The following UBXN11 variants were observed in gnomAD, a reference collection of about 807,000 sequenced individuals.
UBXN11 encodes UBX domain protein 11.
Under a neutral mutation model 62.8 loss-of-function variants are expected in UBXN11, and 47 were observed. That is an observed-to-expected ratio of 0.75 (90% confidence interval 0.59 to 0.95). The LOEUF (loss-of-function observed/expected upper bound fraction) is 0.95, where lower values mean the gene tolerates loss of function less well. Among genes scored for constraint, UBXN11 ranks in the 40% least tolerant of loss-of-function variants. UBXN11 has a pLI of 0.00. For missense variants in UBXN11, 638 were observed against 661.7 expected, an observed-to-expected ratio of 0.96 and a Z score of 0.39; for synonymous variants, 294 against 267.0, an observed-to-expected ratio of 1.10 and a Z score of -0.99.
rs2073022438 is a variant in UBXN11, at chr1:26,282,517, A to G, written c.1345T>C (p.Tyr449His). The change falls in exon 15 of 15, where the codon TAC (tyrosine) becomes CAC (histidine). Residue 449 changes from tyrosine (Y) to histidine (H), a missense_variant. Transcript: ENST00000374222. ...TGCAGCGTGAGTGTATCGTCCTGGTAGAGGGTGGGCGGGAATGTGCTGAAG... is the reference window on the plus strand; with the variant it reads ...TGCAGCGTGAGTGTATCGTCCTGGTGGAGGGTGGGCGGGAATGTGCTGAAG... ...EIFSTFPPTLYQDDTLTLQAA... is the reference protein window; with the variant it reads ...EIFSTFPPTLHQDDTLTLQAA... The G allele has an allele frequency of 6.3e-7, 1 of 1,598,906 alleles. No individual in the cohort carries two copies. The highest frequency in any genetic ancestry group is 8.5e-7 in the Non-Finnish European group (1 of 1,169,718).
At chr1:26,311,081 C>T (rs916338374), upstream of UBXN11, among the ~76,000 whole-genome samples, 4 of 151,694 alleles carry the variant, frequency 2.6e-5, no homozygotes, top group Non-Finnish European at 5.9e-5. Flanking sequence ...TGTTTCCCAC[C>T]TGCAGGGTGA....
chr1:26,302,665 G>A, intron 2 of UBXN11, 148 bp downstream of exon 2: 1 of 864,956 alleles, frequency 1.2e-6, no homozygotes, highest in Non-Finnish European at 1.7e-6. Flanking sequence ...CCAGAAGAAG[G>A]TATAAAGAAA....
chr1:26,294,059 T>C (rs745604901), intron 8 of UBXN11, 146 bp downstream of exon 8: 2 of 1,282,486 alleles, frequency 1.6e-6, no homozygotes, highest in Non-Finnish European at 2.1e-6. Context: ...TCCCACATTG[T>C]CTCAGGGGCA....
chr1:26,298,371 C>A (rs1302659760), intron 4 of UBXN11, among the ~76,000 whole-genome samples: 1 of 152,144 alleles, frequency 6.6e-6, no homozygotes, highest in Non-Finnish European at 1.5e-5. Context: ...AAGAATTTCA[C>A]CCTCGATCTA....
intron 8 of UBXN11, among the ~76,000 whole-genome samples, chr1:26,292,373 G>A (rs1394334372): frequency 6.6e-6 from 1 of 152,094 alleles, no homozygotes; most frequent in Non-Finnish European, 1.5e-5. Context: ...AAGAAAATCA[G>A]CTGGGTGTGG....
Position 26,282,631 on chromosome 1 carries a change from G to GCCCTGC in UBXN11, c.1292+12_1292+17dup. ...GGACCAGAGCCCCTCTGTGGCCCTGGCCCTGCCCTGCACCCACCTGGCCTG... is the reference window on the plus strand; with the variant it reads ...GGACCAGAGCCCCTCTGTGGCCCTGGCCCTGCCCCTGCCCTGCACCCACCTGGCCTG... On this transcript the variant is annotated intron_variant, in intron 14 of 14. Transcript: ENST00000374222. The GCCCTGC allele has an allele frequency of 6.2e-7, 1 of 1,613,582 alleles. No homozygotes were observed. Among genetic ancestry groups the GCCCTGC allele is most frequent in the Non-Finnish European group, 8.5e-7 (1 of 1,179,904 alleles).
exon 1 of UBXN11, chr1:26,318,235 G>A: frequency 1.6e-6 from 1 of 632,324 alleles, no homozygotes; most frequent in Non-Finnish European, 2.8e-6. Context: ...TGGCCGCCCA[G>A]CCTTCCAGCT....
intron 6 of UBXN11, 58 bp downstream of exon 6, chr1:26,297,369 T>C: frequency 7.5e-6 from 11 of 1,472,456 alleles, no homozygotes; most frequent in Non-Finnish European, 9.0e-6. Flanking sequence ...CCAGGAGCCC[T>C]GGGCCCAGGG....
chr1:26,309,377 TTACA>T (rs1353420872), upstream of UBXN11, among the ~76,000 whole-genome samples: 14 of 151,418 alleles, frequency 9.2e-5, no homozygotes, highest in East Asian at 2.7e-3. Flanking sequence ...GTAGCTGGGA[TTACA>T]GGCAAGTGCC....
chr1:26,282,884 G>T lies in UBXN11; in HGVS notation c.1131C>A (p.Thr377=). 1 of 1,614,184 alleles carries T rather than the reference G, an allele frequency of 6.2e-7. No individual in the cohort carries two copies. The highest frequency in any genetic ancestry group is 8.5e-7 in the Non-Finnish European group (1 of 1,180,028). ...CTCACCTCTCTCGCTCAGCGGCCAA[G>T]GTGGGCGTCTCCACCACAATCTCCT... The part of the protein sequence containing the change: ...RIQEIVVETP[T]LAAERERSQE... Residue 377 remains threonine, a synonymous_variant, in exon 13 of 15, where the codon ACC becomes ACA. Coordinates refer to ENST00000374222, the MANE Select transcript of UBXN11 (RefSeq NM_001389556.1).
upstream of UBXN11, among the ~76,000 whole-genome samples, chr1:26,309,263 A>ATTTTTTTTTT (rs2073715375): frequency 1.2e-4 from 1 of 8,306 alleles, no homozygotes; most frequent in African/African-American, 5.7e-4. Flanking sequence ...TTTTTTTGAG[A>ATTTTTTTTTT]CAGAGTCTCA....
At position 26,290,395 on chromosome 1, in the gene UBXN11, G is replaced by C. The variant is rs541913691; in HGVS notation, c.559+3810C>G. Among the ~76,000 whole-genome samples the C allele has an allele frequency of 2.0e-5, 3 of 152,286 alleles. No individual in the cohort carries two copies. The East Asian group carries it at 5.8e-4, about 29-fold the overall frequency. ...AACCCTGCCTCAGCCAGAGCTTTTAGCCCCTTCCCTCAAGCAGAGCCCTCC... is the reference window on the plus strand; with the variant it reads ...AACCCTGCCTCAGCCAGAGCTTTTACCCCCTTCCCTCAAGCAGAGCCCTCC... On this transcript the variant is annotated intron_variant, in intron 8 of 14. Transcript: ENST00000374222.
At chr1:26,290,138 C>G (rs2073225247) in intron 8 of UBXN11, among the ~76,000 whole-genome samples, 1 of 152,242 alleles carries the variant, frequency 6.6e-6, no homozygotes, top group Admixed American at 6.5e-5. Flanking sequence ...CCAATGTGCT[C>G]TGATCATCCA....
At chr1:26,298,356 T>C (rs1388886690) in intron 4 of UBXN11, among the ~76,000 whole-genome samples, 1 of 152,152 alleles carries the variant, frequency 6.6e-6, no homozygotes, top group African/African-American at 2.4e-5. Context: ...CCCTGAAGCA[T>C]TGCCAAGAAT....
At chr1:26,293,724 CAAAAAAAAAAAAAAA>C (rs1163207554) in intron 8 of UBXN11, among the ~76,000 whole-genome samples, 3 of 26,922 alleles carry the variant, frequency 1.1e-4, no homozygotes, top group African/African-American at 3.2e-4. Flanking sequence ...GACTCCGTCT[CAAAAAAAAAAAAAAA>C]AAAAAAAAAA....
chr1:26,313,820 G>C (rs1335273191), intron 1 of UBXN11, among the ~76,000 whole-genome samples: 1 of 132,630 alleles, frequency 7.5e-6, no homozygotes, highest in African/African-American at 2.9e-5. Flanking sequence ...TTGCTCCATC[G>C]CCCAGGCTGG....
rs1570115073 is a variant in UBXN11, at chr1:26,297,373, C to A, written c.355+54G>T. The A allele has an allele frequency of 2.0e-6, 3 of 1,481,974 alleles. No individual in the cohort carries two copies. In the East Asian group the frequency reaches 7.4e-5, roughly 37 times the overall value. 91.8% of individuals were successfully genotyped at this position (1,481,974 alleles called of 1,614,324 possible). A position where few individuals can be genotyped will look rare whatever the true frequency, so the allele number is the denominator to read the frequency against. On this transcript the variant is annotated intron_variant, in intron 6 of 14. Coordinates refer to ENST00000374222, the MANE Select transcript of UBXN11 (RefSeq NM_001389556.1). ...TTGTGAAGCTTCCAGGAGCCCTGGG[C>A]CCAGGGGAGGTGCCTGACTGGGGGC...
chr1:26,299,776 A>G (rs1044055243), intron 4 of UBXN11, among the ~76,000 whole-genome samples: 1 of 152,126 alleles, frequency 6.6e-6, no homozygotes, highest in Non-Finnish European at 1.5e-5. Flanking sequence ...GACAGGGGAA[A>G]GCAGGGAGAG....
At chr1:26,293,417 A>G (rs1181352819) in intron 8 of UBXN11, among the ~76,000 whole-genome samples, 2 of 152,036 alleles carry the variant, frequency 1.3e-5, no homozygotes, top group Non-Finnish European at 2.9e-5. Flanking sequence ...ATCCCTCTAG[A>G]TATTAGAAGT....
Sources: gnomAD v4.1 joint callset for allele counts (sites outside exome capture counted in the v4.1 genomes callset) on GRCh38, gnomAD v4.1.1 for gene constraint, MANE v1.5 for transcripts, NCBI Gene and HGNC (gene_info 2026-07-23, HGNC 2026-07-21) for gene names.